Variants in SDC4 observed in about 807,000 individuals in gnomAD.
SDC4 encodes syndecan-4.
In SDC4, 17 loss-of-function variants were observed where a neutral mutation model predicts 20.5. That is an observed-to-expected ratio of 0.83 (90% CI 0.57 to 1.25). The LOEUF (loss-of-function observed/expected upper bound fraction) is 1.25. Ranked by LOEUF, SDC4 falls within the 50% of genes most tolerant of loss-of-function variation. SDC4 has a pLI of 0.00. For synonymous variants in SDC4, 107 were observed against 105.3 expected (o/e 1.02, Z -0.10); for missense variants, 241 against 252.3 (o/e 0.96, Z 0.30).
At chr20:45,335,652 G>T in intron 2 of SDC4, 130 bp downstream of exon 2, 1 of 937,058 alleles carries the variant, frequency 1.1e-6, no homozygotes, top group African/African-American at 1.6e-5. Context: ...CTTTTTTTGA[G>T]AAGGAAGAAG....
chr20:45,336,732 G>T (rs1987875317), intron 1 of SDC4, among the ~76,000 whole-genome samples: 1 of 152,040 alleles, frequency 6.6e-6, no homozygotes, highest in Non-Finnish European at 1.5e-5. Flanking sequence ...CCTGGTTCTG[G>T]TCTTGCCCAG....
chr20:45,348,333 C>T lies in SDC4; in HGVS notation c.52G>A (p.Ala18Thr). Residue 18 changes from alanine (A) to threonine (T), a missense_variant, in exon 1 of 5, where the codon GCC (alanine) becomes ACC (threonine). Ala to Thr is a moderately conservative substitution (Grantham distance 58). Coordinates refer to ENST00000372733, the MANE Select transcript of SDC4 (RefSeq NM_002999.4). The part of the protein sequence containing the change: ...ALLLFFVGGV[A>T]ESIRETEVID... ...AACCTCCAAGCACCCACCGACTCGG[C>T]GACTCCGCCTACGAAGAACAGCAGC... 1.3e-6 allele frequency: 2 copies of T among 1,587,896 alleles called. No individual in the cohort carries two copies. The highest frequency in any genetic ancestry group is 1.1e-5 in the South Asian group (1 of 87,270).
chr20:45,327,704 C>T (rs531671139), intron 4 of SDC4, among the ~76,000 whole-genome samples: 8 of 152,292 alleles, frequency 5.3e-5, no homozygotes, highest in Admixed American at 1.3e-4. Flanking sequence ...AGTGCAGTGG[C>T]GTGATCTCGG....
chr20:45,327,187 C>G lies in SDC4; in HGVS notation c.*77G>C. On this transcript the variant is annotated 3_prime_UTR_variant, in exon 5 of 5. Coordinates refer to ENST00000372733, the MANE Select transcript of SDC4 (RefSeq NM_002999.4). ...AAGTCAGTATTAGGTTGACCTCACCCTACCCTAATGTCCACCCTTCAAAAT... is the reference window on the plus strand; with the variant it reads ...AAGTCAGTATTAGGTTGACCTCACCGTACCCTAATGTCCACCCTTCAAAAT... 6.5e-7 allele frequency: 1 copy of G among 1,528,492 alleles called. No individual in the cohort carries two copies. The highest frequency in any genetic ancestry group is 9.0e-7 in the Non-Finnish European group (1 of 1,108,698). The allele number at this position is 1,528,492 out of a possible 1,614,324, so 94.7% of individuals were successfully genotyped here.
At chr20:45,336,449 A>C (rs1217912038) in intron 1 of SDC4, among the ~76,000 whole-genome samples, 2 of 152,192 alleles carry the variant, frequency 1.3e-5, no homozygotes. Flanking sequence ...GTAATAATCA[A>C]ATTATTAATA....
chr20:45,347,016 C>CAGT (rs1186759303), intron 1 of SDC4, among the ~76,000 whole-genome samples: 1 of 152,158 alleles, frequency 6.6e-6, no homozygotes, highest in African/African-American at 2.4e-5. Flanking sequence ...AGTTTAAGAA[C>CAGT]AGTACACAGT....
Position 45,327,190 on chromosome 20 carries a change from C to G in SDC4, c.*74G>C. The stretch of plus-strand genomic sequence containing the variant: ...TCAGTATTAGGTTGACCTCACCCTA[C>G]CCTAATGTCCACCCTTCAAAATCCC... On this transcript the variant is annotated 3_prime_UTR_variant, in exon 5 of 5. Transcript: ENST00000372733. 1.9e-6 allele frequency: 3 copies of G among 1,544,050 alleles called. No homozygotes were observed. The highest frequency in any genetic ancestry group is 2.7e-6 in the Non-Finnish European group (3 of 1,121,616).
chr20:45,331,619 A>C (rs1054501360), intron 3 of SDC4, among the ~76,000 whole-genome samples: 2 of 152,220 alleles, frequency 1.3e-5, no homozygotes, highest in African/African-American at 4.8e-5. Flanking sequence ...GCCAAAAACC[A>C]CCAAAAACAG....
Position 45,327,405 on chromosome 20 carries a change from C to A in SDC4, c.456G>T (p.Val152=). The A allele has an allele frequency of 1.2e-6, 2 of 1,613,978 alleles. No individual in the cohort carries two copies. Among genetic ancestry groups the A allele is most frequent in the South Asian group, 1.1e-5 (1 of 91,074 alleles). Residue 152 remains valine, a synonymous_variant, in exon 5 of 5, where the codon GTG becomes GTT. Transcript: ENST00000372733. Reference sequence around the variant, plus strand: ...CAAAGAGGATGCCCACGATGCCACCCACAATCAGAGCTGGAGAGGAGGAGA... The same window carrying A: ...CAAAGAGGATGCCCACGATGCCACCAACAATCAGAGCTGGAGAGGAGGAGA... ...ERTEVLAALI[V]GGIVGILFAV...
chr20:45,335,709 T>C (rs2145711903), intron 2 of SDC4, 73 bp downstream of exon 2: 1 of 1,518,466 alleles, frequency 6.6e-7, no homozygotes, highest in Admixed American at 1.8e-5. Context: ...CAAGGCATGG[T>C]CACCCTCCTG....
At chr20:45,332,912 G>T (rs1987800172) in intron 3 of SDC4, 111 bp downstream of exon 3, 4 of 1,021,366 alleles carry the variant, frequency 3.9e-6, no homozygotes, top group East Asian at 2.5e-5. Flanking sequence ...CCCGCATAGT[G>T]GGGTAAGACC....
At chr20:45,341,850 C>T (rs770309257) in intron 1 of SDC4, among the ~76,000 whole-genome samples, 8 of 152,176 alleles carry the variant, frequency 5.3e-5, no homozygotes, top group Non-Finnish European at 1.0e-4. Flanking sequence ...TGGATGTCTC[C>T]CTGCCAGGAG....
chr20:45,341,497 G>A (rs754425725), intron 1 of SDC4, among the ~76,000 whole-genome samples: 2 of 152,188 alleles, frequency 1.3e-5, no homozygotes, highest in African/African-American at 2.4e-5. Flanking sequence ...AGGTGCAAAT[G>A]ACAGTGACCA....
Position 45,332,417 on chromosome 20 carries a change from T to A in SDC4, c.246+606A>T, listed in dbSNP as rs1418810122. ...CTCAGGTGATCTGCCCGTCTTAGCCTCCCAAAGTGCTGGGATTACAGGCAT... is the reference window on the plus strand; with the variant it reads ...CTCAGGTGATCTGCCCGTCTTAGCCACCCAAAGTGCTGGGATTACAGGCAT... On this transcript the variant is annotated intron_variant, in intron 3 of 4. Coordinates refer to ENST00000372733, the MANE Select transcript of SDC4 (RefSeq NM_002999.4). Among the ~76,000 whole-genome samples, 13 of 152,194 alleles carry A rather than the reference T, an allele frequency of 8.5e-5. No homozygotes were observed. In the South Asian group the frequency reaches 2.7e-3, roughly 32 times the overall value.
chr20:45,337,825 G>C (rs1383855686), intron 1 of SDC4, among the ~76,000 whole-genome samples: 1 of 152,240 alleles, frequency 6.6e-6, no homozygotes, highest in African/African-American at 2.4e-5. Flanking sequence ...CAGTGGCCAG[G>C]AATCACTCTC....
At chr20:45,334,183 C>T (rs746519769) in intron 2 of SDC4, among the ~76,000 whole-genome samples, 16 of 152,004 alleles carry the variant, frequency 1.1e-4, no homozygotes, top group Non-Finnish European at 1.6e-4. Flanking sequence ...TTAGTAGAGA[C>T]GGGGTTTCAC....
intron 4 of SDC4, among the ~76,000 whole-genome samples, chr20:45,328,945 G>A (rs547795450): frequency 2.9e-4 from 44 of 152,306 alleles, no homozygotes; most frequent in African/African-American, 1.0e-3. Context: ...CTGGGTCTGC[G>A]CTGGGATGCC....
chr20:45,337,485 A>G (rs2145713475), intron 1 of SDC4, among the ~76,000 whole-genome samples: 1 of 152,298 alleles, frequency 6.6e-6, no homozygotes, highest in Non-Finnish European at 1.5e-5. Flanking sequence ...CAGGGCAGGG[A>G]CTTGCCCAAG....
In SDC4 at chr20:45,327,417, T is replaced by A; in HGVS notation, c.446-2A>T. The A allele has an allele frequency of 6.2e-7, 1 of 1,613,104 alleles. No homozygotes were observed. The highest frequency in any genetic ancestry group is 8.5e-7 in the Non-Finnish European group (1 of 1,179,170). On this transcript the variant is annotated splice_acceptor_variant, in intron 4 of 4. Transcript: ENST00000372733. LOFTEE classifies it high-confidence loss of function. ...CCACGATGCCACCCACAATCAGAGC[T>A]GGAGAGGAGGAGAGAGAAGAGGCGG...
Sources: allele counts gnomAD v4.1 joint callset (sites outside exome capture counted in the v4.1 genomes callset), GRCh38; gene constraint gnomAD v4.1.1; transcripts MANE v1.5; gene names NCBI Gene and HGNC (gene_info 2026-07-23, HGNC 2026-07-21).